The following TAB2 variants were observed in gnomAD, a reference collection of about 807,000 sequenced individuals.
The protein encoded by TAB2 is TGF-beta-activated kinase 1 and MAP3K7-binding protein 2.
In TAB2, 3 loss-of-function variants were observed where a neutral mutation model predicts 65.0. The observed-to-expected ratio is 0.05, with a 90% CI of 0.02 to 0.12. The LOEUF (loss-of-function observed/expected upper bound fraction) is 0.12. Ranked by LOEUF, TAB2 falls within the 10% of genes least tolerant of loss-of-function variation. TAB2 has a pLI of 1.00. For missense variants in TAB2, 623 were observed against 840.3 expected, an observed-to-expected ratio of 0.74 and a Z score of 3.20; for synonymous variants, 298 against 285.1, an observed-to-expected ratio of 1.05 and a Z score of -0.46.
chr6:149,319,933 A>G (rs1410481298), intron 1 of TAB2, among the ~76,000 whole-genome samples: 1 of 152,182 alleles, frequency 6.6e-6, no homozygotes, highest in Non-Finnish European at 1.5e-5. Context: ...CATCAAATAC[A>G]TGTTTTTTGA....
At chr6:149,264,184 G>A (rs1301584446) in intron 1 of TAB2, among the ~76,000 whole-genome samples, 1 of 152,130 alleles carries the variant, frequency 6.6e-6, no homozygotes, top group Non-Finnish European at 1.5e-5. Context: ...AAGTACTAGG[G>A]ACCTGGAAAT....
intron 1 of TAB2, among the ~76,000 whole-genome samples, chr6:149,308,990 T>C (rs1392551614): frequency 1.3e-5 from 2 of 149,810 alleles, no homozygotes; most frequent in African/African-American, 2.5e-5. Context: ...AGCCAGCCTC[T>C]AGTGTAATGC....
At position 149,304,798 on chromosome 6, in the gene TAB2, G is replaced by A. The variant is rs1049338711; in HGVS notation, c.-120-73220G>A. ...CCTCCCACAGTATCCTGGGAGGATT[G>A]GTTCCAAGAATACCTCCACCTCCAG... On this transcript the variant is annotated intron_variant, in intron 1 of 1. Transcript: ENST00000606202. Among the ~76,000 whole-genome samples the A allele has an allele frequency of 2.2e-4, 33 of 152,188 alleles. 1 individual carries two copies. The highest frequency in any genetic ancestry group is 8.8e-5 in the Non-Finnish European group (6 of 67,992).
At chr6:149,225,802 C>G (rs1253749003) in intron 1 of TAB2, among the ~76,000 whole-genome samples, 1 of 151,992 alleles carries the variant, frequency 6.6e-6, no homozygotes, top group Non-Finnish European at 1.5e-5. Flanking sequence ...GTTAGGTACT[C>G]CCATTGCTTA....
At chr6:149,225,294 C>T (rs376492859) in intron 1 of TAB2, among the ~76,000 whole-genome samples, 2 of 151,908 alleles carry the variant, frequency 1.3e-5, no homozygotes, top group South Asian at 4.2e-4. Context: ...GACAGTTTTA[C>T]CATAACTAGA....
At chr6:149,310,593 G>C (rs777389565) in intron 1 of TAB2, among the ~76,000 whole-genome samples, 2 of 151,738 alleles carry the variant, frequency 1.3e-5, no homozygotes, top group Non-Finnish European at 2.9e-5. Flanking sequence ...GCATTTACAT[G>C]ATTACCAATG....
At chr6:149,380,199 C>T (rs1173189061) in intron 3 of TAB2, 5 of 194,342 alleles carry the variant, frequency 2.6e-5, no homozygotes, top group Non-Finnish European at 5.3e-5. Flanking sequence ...TGTGACCATA[C>T]CACTCTGCCC....
chr6:149,407,664 A>G (rs1260486545), intron 6 of TAB2, among the ~76,000 whole-genome samples: 1 of 152,160 alleles, frequency 6.6e-6, no homozygotes, highest in African/African-American at 2.4e-5. Flanking sequence ...GTTCTGCTTC[A>G]TAATGTAGAG....
intron 3 of TAB2, among the ~76,000 whole-genome samples, 185 bp from the exon 4 acceptor site, chr6:149,397,419 C>T (rs558741618): frequency 6.7e-6 from 1 of 148,362 alleles, no homozygotes; most frequent in South Asian, 2.1e-4. Flanking sequence ...CCAGCCTGAG[C>T]AACAAGAGTA....
rs1368651724 is a variant in TAB2, at chr6:149,366,357, G to A, written c.-89-3552G>A. On this transcript the variant is annotated intron_variant, in intron 1 of 6. Coordinates refer to ENST00000637181, the MANE Select transcript of TAB2 (RefSeq NM_001292034.3). ...AATCTGTCGCACATATGTATAGTTT[G>A]GAGATCAAAGATAAATACAGAGTTT... Among the ~76,000 whole-genome samples, 3 of 152,098 alleles carry A rather than the reference G, an allele frequency of 2.0e-5. No individual in the cohort carries two copies. In the East Asian group the frequency reaches 5.8e-4, roughly 29 times the overall value.
intron 1 of TAB2, among the ~76,000 whole-genome samples, chr6:149,239,377 AG>A (rs201281942): frequency 5.9e-4 from 80 of 134,956 alleles, no homozygotes; most frequent in African/African-American, 1.9e-3. Context: ...GCAGAGGCTA[AG>A]CCATTTGATG....
At chr6:149,311,488 C>T (rs559147339) in intron 1 of TAB2, among the ~76,000 whole-genome samples, 12 of 152,276 alleles carry the variant, frequency 7.9e-5, no homozygotes, top group East Asian at 1.9e-4. Flanking sequence ...ATATGTCTTG[C>T]GCAATGGTAT....
At chr6:149,373,803 C>CT (rs1781309946) in intron 2 of TAB2, among the ~76,000 whole-genome samples, 1 of 152,156 alleles carries the variant, frequency 6.6e-6, no homozygotes, top group Non-Finnish European at 1.5e-5. Flanking sequence ...GTCTTCTACC[C>CT]TTTCTCACTA....
intron 1 of TAB2, among the ~76,000 whole-genome samples, chr6:149,226,886 A>C (rs73781711): frequency 0.05 from 7,540 of 152,312 alleles, 281 homozygotes; most frequent in South Asian, 0.14. Flanking sequence ...AAATCAACGA[A>C]GTGTTTAGAG....
chr6:149,360,413 G>A (rs1780803701), intron 1 of TAB2, among the ~76,000 whole-genome samples: 1 of 152,178 alleles, frequency 6.6e-6, no homozygotes, highest in Admixed American at 6.5e-5. Flanking sequence ...GTGTCACATG[G>A]CAAGAGCGGA....
intron 1 of TAB2, among the ~76,000 whole-genome samples, chr6:149,287,936 T>C (rs1778707472): frequency 6.6e-6 from 1 of 152,212 alleles, no homozygotes; most frequent in African/African-American, 2.4e-5. Context: ...TTTGGAGCTT[T>C]GATGCACTCC....
intron 6 of TAB2, among the ~76,000 whole-genome samples, chr6:149,402,549 A>G (rs1046290300): frequency 6.7e-6 from 1 of 148,660 alleles, no homozygotes; most frequent in African/African-American, 2.5e-5. Context: ...AATTCTGTCA[A>G]ACACTCAAAC....
intron 1 of TAB2, among the ~76,000 whole-genome samples, chr6:149,248,789 C>A (rs1313915959): frequency 6.6e-6 from 1 of 152,134 alleles, no homozygotes; most frequent in East Asian, 1.9e-4. Flanking sequence ...GCTGTCCCTG[C>A]CCTGGGCCTG....
chr6:149,281,495 G>C (rs1350811564), intron 1 of TAB2, among the ~76,000 whole-genome samples: 2 of 136,182 alleles, frequency 1.5e-5, no homozygotes, highest in African/African-American at 5.6e-5. Context: ...GCTGAGGCAG[G>C]AGGATCACTT....
Sources: allele counts gnomAD v4.1 joint callset (sites outside exome capture counted in the v4.1 genomes callset), GRCh38; gene constraint gnomAD v4.1.1; transcripts MANE v1.5; gene names NCBI Gene and HGNC (gene_info 2026-07-23, HGNC 2026-07-21).